The following KLHDC2 variants were observed in gnomAD, a reference collection of about 807,000 sequenced individuals.
KLHDC2 encodes kelch domain containing 2, also known as kelch domain-containing protein 2.
In KLHDC2, 38 loss-of-function variants were observed where a neutral mutation model predicts 62.3. The observed-to-expected ratio is 0.61, with a 90% CI of 0.47 to 0.80. The LOEUF is 0.80. Among genes scored for constraint, KLHDC2 ranks in the 30% least tolerant of loss-of-function variants. The probability of loss-of-function intolerance (pLI) is 0.00; values close to 1 mark genes in which losing one functional copy is unlikely to be tolerated. For synonymous variants in KLHDC2, 159 were observed against 161.0 expected (o/e 0.99, Z 0.09); for missense variants, 430 against 495.3 (o/e 0.87, Z 1.25).
rs1188153903 is a variant in KLHDC2 at position 49,783,023 on chromosome 14, A to G, written c.*70A>G. ...CCTGTAAACATCACAGAGTGGCATC[A>G]TTTGTATAATTATATGCATTGTTGT... On this transcript the variant is annotated 3_prime_UTR_variant, in exon 13 of 13. Transcript: ENST00000298307. 6.7e-7 allele frequency: 1 copy of G among 1,499,012 alleles called. No homozygotes were observed. Among genetic ancestry groups the G allele is most frequent in the African/African-American group, 1.4e-5 (1 of 71,800 alleles). 92.9% of individuals were successfully genotyped at this position (1,499,012 alleles called of 1,614,324 possible).
intron 10 of KLHDC2, chr14:49,781,962 A>C (rs187188490): frequency 5.9e-6 from 1 of 169,702 alleles, no homozygotes; most frequent in Non-Finnish European, 1.2e-5. Flanking sequence ...TCTCTCCATA[A>C]AACTACCAGG....
chr14:49,771,726 C>T (rs1246608308), intron 2 of KLHDC2, 53 bp downstream of exon 2: 13 of 903,794 alleles, frequency 1.4e-5, no homozygotes, highest in African/African-American at 5.0e-5. Context: ...GGGCTGGGCA[C>T]GGTGGCTGGC....
rs544860971 is a variant in KLHDC2, at chr14:49,780,882, A to T, written c.956+107A>T. The T allele has an allele frequency of 9.9e-5, 70 of 706,804 alleles. 1 individual carries two copies. In the South Asian group the frequency reaches 1.0e-3, roughly 11 times the overall value. The allele number at this position is 706,804 out of a possible 1,614,324, so 43.8% of individuals were successfully genotyped here. ...TTTATAAAAATCTCAGCATTCACTA[A>T]GGTTTGAAATACTTCTCAAAGAAAA... On this transcript the variant is annotated intron_variant, in intron 10 of 12. Transcript: ENST00000298307.
chr14:49,773,570 CTTTTTTT>C (rs569284056), intron 2 of KLHDC2, among the ~76,000 whole-genome samples: 4 of 74,186 alleles, frequency 5.4e-5, no homozygotes, highest in Non-Finnish European at 7.5e-5. Context: ...AAAATAATAA[CTTTTTTT>C]TTTTTTTTTT....
chr14:49,776,620 C>T (rs1010907237), intron 3 of KLHDC2, among the ~76,000 whole-genome samples: 1 of 151,748 alleles, frequency 6.6e-6, no homozygotes. Context: ...TTCTGATACC[C>T]ATAAAATAAA....
chr14:49,775,355 T>C (rs750760257), intron 3 of KLHDC2, among the ~76,000 whole-genome samples: 8 of 152,218 alleles, frequency 5.3e-5, no homozygotes, highest in Non-Finnish European at 7.3e-5. Context: ...AAGAATGATA[T>C]AGTTCTCACC....
At chr14:49,781,202 T>C (rs1889893056) in intron 10 of KLHDC2, among the ~76,000 whole-genome samples, 1 of 151,758 alleles carries the variant, frequency 6.6e-6, no homozygotes, top group Admixed American at 6.6e-5. Flanking sequence ...ACCCCGTCTC[T>C]AGTAAAAATG....
In KLHDC2 at chr14:49,770,130, G is replaced by A. The variant is rs1346908215; in HGVS notation, c.154-1464G>A. ...AATAAGACTTTGGGAGTGGGGCAGG[G>A]GAGGATTCTTAGTGTGGAATATTTC... is the stretch of plus-strand genomic sequence containing the variant. On this transcript the variant is annotated intron_variant, in intron 1 of 12. Coordinates refer to ENST00000298307, the MANE Select transcript of KLHDC2 (RefSeq NM_014315.3). Among the ~76,000 whole-genome samples, 3 of 152,138 alleles carry A rather than the reference G, an allele frequency of 2.0e-5. No homozygotes were observed. In the East Asian group the frequency reaches 5.8e-4, roughly 29 times the overall value.
chr14:49,768,347 C>T lies in KLHDC2; in HGVS notation c.-122C>T. ...CGCAGGCGGCAGAGAGGCCTCAACG[C>T]CGTCCCTTTCGCCACCGCCTTTTCC... On this transcript the variant is annotated 5_prime_UTR_variant, in exon 1 of 13. Coordinates refer to ENST00000298307, the MANE Select transcript of KLHDC2 (RefSeq NM_014315.3). 13 of 1,147,998 alleles carry T rather than the reference C, an allele frequency of 1.1e-5. No homozygotes were observed. Among genetic ancestry groups the T allele is most frequent in the Non-Finnish European group, 1.5e-5 (12 of 820,728 alleles). The allele number at this position is 1,147,998 out of a possible 1,614,324, so 71.1% of individuals were successfully genotyped here. A position where few individuals can be genotyped will look rare whatever the true frequency, so the allele number is the denominator to read the frequency against.
At chr14:49,768,748 A>G (rs1594696563) in intron 1 of KLHDC2, 127 bp downstream of exon 1, 1 of 837,626 alleles carries the variant, frequency 1.2e-6, no homozygotes, top group South Asian at 2.0e-5. Flanking sequence ...GCCCCACCTC[A>G]GACTCTGCCC....
chr14:49,781,604 C>A (rs1208649794), intron 10 of KLHDC2, among the ~76,000 whole-genome samples: 1 of 151,440 alleles, frequency 6.6e-6, no homozygotes, highest in African/African-American at 2.4e-5. Context: ...TAGCATATGC[C>A]TGTAGTCCCA....
chr14:49,770,791 A>G (rs1354778097), intron 1 of KLHDC2, among the ~76,000 whole-genome samples: 1 of 152,252 alleles, frequency 6.6e-6, no homozygotes, highest in Non-Finnish European at 1.5e-5. Flanking sequence ...TAATACCTGA[A>G]GGGAAATGGA....
Position 49,786,141 on chromosome 14 carries a change from T to C in KLHDC2, c.*3188T>C, listed in dbSNP as rs1460451220. On this transcript the variant is annotated 3_prime_UTR_variant, in exon 13 of 13. Coordinates refer to ENST00000298307, the MANE Select transcript of KLHDC2 (RefSeq NM_014315.3). ...AGAAGGAATAGGTAGGGGCTGCTACTGGGATCTAGTGGGTAAAGGCCGAGG... is the reference window on the plus strand; with the variant it reads ...AGAAGGAATAGGTAGGGGCTGCTACCGGGATCTAGTGGGTAAAGGCCGAGG... 1 of 153,092 alleles carries C rather than the reference T, an allele frequency of 6.5e-6. No individual in the cohort carries two copies. The highest frequency in any genetic ancestry group is 1.5e-5 in the Non-Finnish European group (1 of 68,790). The allele number at this position is 153,092 out of a possible 1,614,324, so 9.5% of individuals were successfully genotyped here.
At chr14:49,769,437 C>T (rs945089590) in intron 1 of KLHDC2, among the ~76,000 whole-genome samples, 1 of 152,220 alleles carries the variant, frequency 6.6e-6, no homozygotes, top group Non-Finnish European at 1.5e-5. Flanking sequence ...GTTCTCCGCC[C>T]TCCCCACGCC....
At position 49,785,715 on chromosome 14, in the gene KLHDC2, C is replaced by T. The variant is rs1890140122; in HGVS notation, c.*2762C>T. On this transcript the variant is annotated 3_prime_UTR_variant, in exon 13 of 13. Coordinates refer to ENST00000298307, the MANE Select transcript of KLHDC2 (RefSeq NM_014315.3). ...CCAGCCTAAGCAACATGGAGAAACA[C>T]CATCTCTACAAAAAATATAAAAGTT... is the stretch of plus-strand genomic sequence containing the variant. The T allele has an allele frequency of 5.5e-6, 1 of 183,134 alleles. No individual in the cohort carries two copies. The highest frequency in any genetic ancestry group is 1.2e-5 in the Non-Finnish European group (1 of 86,204). 11.3% of individuals were successfully genotyped at this position (183,134 alleles called of 1,614,324 possible).
intron 1 of KLHDC2, 46 bp downstream of exon 1, chr14:49,768,667 C>G (rs985636396): frequency 6.6e-7 from 1 of 1,509,552 alleles, no homozygotes; most frequent in Non-Finnish European, 8.8e-7. Context: ...GGCTGTGACT[C>G]GGGTCTGCGT....
rs773736420 is a variant in KLHDC2 at position 49,777,874 on chromosome 14, G to A, written c.387G>A (p.Val129=). ...YMLDSRSTDR[V]LQWERIDCQG... ...TGGATTCAAGGTCTACAGACAGAGT[G>A]TTACAGTGGGAAAGAATTGATTGCC... Residue 129 remains valine (V), a synonymous_variant, in exon 4 of 13, where the codon GTG becomes GTA. Coordinates refer to ENST00000298307, the MANE Select transcript of KLHDC2 (RefSeq NM_014315.3). 1 of 1,610,540 alleles carries A rather than the reference G, an allele frequency of 6.2e-7. No homozygotes were observed. Among genetic ancestry groups the A allele is most frequent in the Non-Finnish European group, 8.5e-7 (1 of 1,177,416 alleles).
At chr14:49,780,461 T>A in intron 9 of KLHDC2, 139 bp downstream of exon 9, 2 of 674,482 alleles carry the variant, frequency 3.0e-6, no homozygotes, top group Admixed American at 2.5e-5. Flanking sequence ...TCCTGTAACA[T>A]AGCTGTAATT....
chr14:49,780,808 A>G (rs770327578), intron 10 of KLHDC2, 33 bp downstream of exon 10: 10 of 1,106,124 alleles, frequency 9.0e-6, no homozygotes, highest in South Asian at 7.4e-5. Context: ...CTGAATATGC[A>G]TAAGACATAA....
Sources: allele counts gnomAD v4.1 joint callset (sites outside exome capture counted in the v4.1 genomes callset), GRCh38; gene constraint gnomAD v4.1.1; transcripts MANE v1.5; gene names NCBI Gene and HGNC (gene_info 2026-07-23, HGNC 2026-07-21).